Variants in CSAD observed in about 807,000 individuals in gnomAD.
CSAD encodes P-selectin cytoplasmic tail-associated protein.
In CSAD, 47 loss-of-function variants were observed where a neutral mutation model predicts 61.5. The ratio of observed to expected loss-of-function variants is 0.76; its 90% CI spans 0.60 to 0.97. The LOEUF is 0.97. Among genes scored for constraint, CSAD ranks in the 50% least tolerant of loss-of-function variants. The pLI is 0.00. For missense variants in CSAD, 611 were observed against 643.6 expected (o/e 0.95, Z 0.55); for synonymous variants, 245 against 252.7 (o/e 0.97, Z 0.29).
chr12:53,170,139 A>G lies in CSAD; in HGVS notation c.648-13T>C, dbSNP rs758613723. 6.2e-7 allele frequency: 1 copy of G among 1,612,926 alleles called. No homozygotes were observed. Among genetic ancestry groups the G allele is most frequent in the Admixed American group, 1.7e-5 (1 of 59,994 alleles). ...GACCATTTTCCCTCTGAAAAAGAAA[A>G]TGCAGAGGGTAGAGCAGGGACAGGT... On this transcript the variant is annotated splice_polypyrimidine_tract_variant and intron_variant, in intron 9 of 16. Transcript: ENST00000444623.
intron 10 of CSAD, 95 bp from the exon 11 acceptor site, chr12:53,161,484 T>A: frequency 1.1e-6 from 1 of 949,434 alleles, no homozygotes; most frequent in Non-Finnish European, 1.7e-6. Context: ...TTTGCATGCC[T>A]AAAATGGCCC....
chr12:53,173,805 G>C (rs1375976805), intron 2 of CSAD, 35 bp from the exon 3 acceptor site: 18 of 1,607,798 alleles, frequency 1.1e-5, no homozygotes, highest in Non-Finnish European at 1.5e-5. Context: ...CAGAGGAAGT[G>C]GGGTGAAAAG....
intron 2 of CSAD, among the ~76,000 whole-genome samples, chr12:53,175,028 TTGAC>T (rs1940999391): frequency 6.6e-6 from 1 of 152,176 alleles, no homozygotes; most frequent in African/African-American, 2.4e-5. Flanking sequence ...TCAGCAAACA[TTGAC>T]TGAGTGTTGT....
intron 8 of CSAD, chr12:53,171,045 C>T (rs1055153642): frequency 3.4e-6 from 2 of 595,544 alleles, no homozygotes; most frequent in African/African-American, 3.7e-5. Context: ...TAACAAGCCC[C>T]AGGTCATACC....
intron 10 of CSAD, among the ~76,000 whole-genome samples, chr12:53,162,524 T>A (rs1425892182): frequency 6.6e-6 from 1 of 152,104 alleles, no homozygotes; most frequent in Non-Finnish European, 1.5e-5. Context: ...GCCAAGATTG[T>A]GCCACTGCAC....
At chr12:53,180,628 A>C (rs1941527907) in intron 1 of CSAD, 104 bp downstream of exon 1, 1 of 1,283,512 alleles carries the variant, frequency 7.8e-7, no homozygotes, top group Non-Finnish European at 1.0e-6. Flanking sequence ...CCGCTAGTCT[A>C]GCTGCCGAGC....
chr12:53,165,130 G>A (rs533952801), intron 10 of CSAD, among the ~76,000 whole-genome samples: 5 of 152,206 alleles, frequency 3.3e-5, no homozygotes, highest in South Asian at 2.1e-4. Context: ...AGACCAGCCT[G>A]GGCAGCACAG....
chr12:53,172,034 G>A (rs560589140), intron 6 of CSAD, 46 bp from the exon 7 acceptor site: 10 of 1,344,390 alleles, frequency 7.4e-6, no homozygotes, highest in South Asian at 2.4e-5. Flanking sequence ...GGGAGGGACT[G>A]CCCAGACAGG....
chr12:53,158,617 C>T lies in CSAD; in HGVS notation c.1376G>A (p.Gly459Glu), dbSNP rs1257472628. 1.9e-6 allele frequency: 3 copies of T among 1,614,032 alleles called. No individual in the cohort carries two copies. The highest frequency in any genetic ancestry group is 1.7e-5 in the Admixed American group (1 of 59,986). The change falls in exon 17 of 17, where the codon GGG becomes GAG. Residue 459 changes from glycine (G) to glutamate (E), a missense_variant. Gly to Glu is a moderately conservative substitution (Grantham distance 98, BLOSUM62 -2). Transcript: ENST00000444623. ...GSMMIGYQPH[G>E]TRGNFFRVVV... is the part of the protein sequence containing the mutation. ...CACACGGAAGAAGTTGCCCCGGGTC[C>T]CGTGGGGCTGGTAGCCAATCATCAT...
intron 10 of CSAD, among the ~76,000 whole-genome samples, chr12:53,161,783 C>A (rs923973845): frequency 5.9e-5 from 9 of 151,418 alleles, no homozygotes; most frequent in Non-Finnish European, 8.8e-5. Flanking sequence ...ATAGCAAGAC[C>A]CCATCTCTAA....
chr12:53,158,695 G>T lies in CSAD; in HGVS notation c.1309-11C>A, dbSNP rs943081018. On this transcript the variant is annotated splice_polypyrimidine_tract_variant and intron_variant, in intron 16 of 16. Transcript: ENST00000444623. ...GAGCACGGGGGCCACCTGTGGAAGGGTGGAGAGAGATTCCAGCTGCAGCCT... is the reference window on the plus strand; with the variant it reads ...GAGCACGGGGGCCACCTGTGGAAGGTTGGAGAGAGATTCCAGCTGCAGCCT... The T allele has an allele frequency of 1.2e-6, 2 of 1,611,318 alleles. No homozygotes were observed. Among genetic ancestry groups the T allele is most frequent in the Non-Finnish European group, 1.7e-6 (2 of 1,178,180 alleles).
In CSAD at chr12:53,180,831, C is replaced by T. The variant is rs1204372292; in HGVS notation, c.-190G>A. 7 of 1,270,938 alleles carry T rather than the reference C, an allele frequency of 5.5e-6. No individual in the cohort carries two copies. In the South Asian group the frequency reaches 8.9e-5, roughly 16 times the overall value. The allele number at this position is 1,270,938 out of a possible 1,614,324, so 78.7% of individuals were successfully genotyped here. On this transcript the variant is annotated 5_prime_UTR_variant, in exon 1 of 17. Coordinates refer to ENST00000444623, the MANE Select transcript of CSAD (RefSeq NM_001244705.2). Reference sequence around the variant, plus strand: ...CCAGGGAGCCAGCGGGAGGCCGCGCCTGGCAGGTAGGAGCAAGCCCCAAAG... The same window carrying T: ...CCAGGGAGCCAGCGGGAGGCCGCGCTTGGCAGGTAGGAGCAAGCCCCAAAG...
intron 10 of CSAD, among the ~76,000 whole-genome samples, chr12:53,167,267 A>C (rs144442858): frequency 6.6e-6 from 1 of 152,174 alleles, no homozygotes; most frequent in African/African-American, 2.4e-5. Flanking sequence ...CTCCAACTCC[A>C]TATCTTCAAT....
At chr12:53,174,915 C>T (rs1047989333) in intron 2 of CSAD, among the ~76,000 whole-genome samples, 20 of 152,294 alleles carry the variant, frequency 1.3e-4, no homozygotes, top group Non-Finnish European at 2.6e-4. Flanking sequence ...CCACTGTTAT[C>T]AAAGGTCTAA....
chr12:53,181,144 C>A (rs1941605685), upstream of CSAD: 1 of 983,164 alleles, frequency 1.0e-6, no homozygotes, highest in Non-Finnish European at 1.2e-6. Flanking sequence ...GGTGCAGAGG[C>A]TGGCTGGCCG....
At chr12:53,160,700 G>A (rs1011412970) in intron 13 of CSAD, 63 bp downstream of exon 13, 1 of 1,351,148 alleles carries the variant, frequency 7.4e-7, no homozygotes. Flanking sequence ...TATCTAAGGT[G>A]GGATAGAGAA....
chr12:53,174,504 T>C (rs1303216387), intron 2 of CSAD, among the ~76,000 whole-genome samples: 1 of 151,710 alleles, frequency 6.6e-6, no homozygotes, highest in Non-Finnish European at 1.5e-5. Flanking sequence ...TTAAACAATA[T>C]AAAAATTGTC....
intron 10 of CSAD, chr12:53,164,778 C>G (rs753373618): frequency 6.6e-6 from 1 of 152,138 alleles, no homozygotes; most frequent in Non-Finnish European, 1.5e-5. Context: ...AAGAACATAT[C>G]TGAAAATCAT....
chr12:53,162,999 T>C (rs1192120793), intron 10 of CSAD, among the ~76,000 whole-genome samples: 2 of 150,838 alleles, frequency 1.3e-5, no homozygotes, highest in Non-Finnish European at 3.0e-5. Flanking sequence ...AGGCGGAGGT[T>C]GCTGTGAGCC....
Sources: allele counts gnomAD v4.1 joint callset (sites outside exome capture counted in the v4.1 genomes callset), GRCh38; gene constraint gnomAD v4.1.1; transcripts MANE v1.5; gene names NCBI Gene and HGNC (gene_info 2026-07-23, HGNC 2026-07-21).